The following PLAAT1 variants were observed in gnomAD, a reference collection of about 807,000 sequenced individuals.
PLAAT1 encodes the protein phospholipase A and acyltransferase 1.
In PLAAT1, 13 loss-of-function variants were observed where a neutral mutation model predicts 16.4. The ratio of observed to expected loss-of-function variants is 0.79; its 90% confidence interval spans 0.52 to 1.26. PLAAT1 has a LOEUF of 1.26. Among genes scored for constraint, PLAAT1 ranks in the 50% most tolerant of loss-of-function variants. The pLI is 0.00. For missense variants in PLAAT1, 218 were observed against 207.8 expected, an observed-to-expected ratio of 1.05 and a Z score of -0.30; for synonymous variants, 73 against 78.4, an observed-to-expected ratio of 0.93 and a Z score of 0.36.
downstream of PLAAT1, chr3:193,281,061 A>G (rs753254445): frequency 1.9e-5 from 6 of 310,288 alleles, no homozygotes; most frequent in African/African-American, 1.1e-4. Flanking sequence ...AGCACGTCTC[A>G]GAAGTGCTTG....
At chr3:193,244,219 A>G (rs1195640093) in intron 1 of PLAAT1, among the ~76,000 whole-genome samples, 4 of 152,150 alleles carry the variant, frequency 2.6e-5, no homozygotes, top group African/African-American at 9.7e-5. Flanking sequence ...TTGGGTGGCT[A>G]TAAATCTTCA....
At chr3:193,279,263 T>G (rs988576677), downstream of PLAAT1, 69 of 894,094 alleles carry the variant, frequency 7.7e-5, no homozygotes, top group Admixed American at 1.5e-3. Flanking sequence ...CTCACAGTAT[T>G]TGGTGGTCAA....
chr3:193,246,182 C>T (rs1715976159), intron 1 of PLAAT1, among the ~76,000 whole-genome samples: 2 of 152,102 alleles, frequency 1.3e-5, no homozygotes, highest in Non-Finnish European at 2.9e-5. Flanking sequence ...ATGATGGTGT[C>T]TGTGGGCTTG....
intron 3 of PLAAT1, among the ~76,000 whole-genome samples, chr3:193,264,513 T>TC (rs1224944803): frequency 6.6e-6 from 1 of 150,772 alleles, no homozygotes; most frequent in South Asian, 2.1e-4. Context: ...TTCTTCTTCT[T>TC]TTTTTTTTTA....
At chr3:193,277,249 C>G (rs1717261717) in intron 2 of PLAAT1, among the ~76,000 whole-genome samples, 1 of 152,128 alleles carries the variant, frequency 6.6e-6, no homozygotes. Context: ...TTAAGGAGGA[C>G]AGAGAAATGT....
At chr3:193,251,746 C>G (rs1462533836) in intron 1 of PLAAT1, among the ~76,000 whole-genome samples, 1 of 152,006 alleles carries the variant, frequency 6.6e-6, no homozygotes, top group Non-Finnish European at 1.5e-5. Context: ...CTTTTTCTAC[C>G]AATTTTGATG....
chr3:193,279,687 T>G (rs1337956756), downstream of PLAAT1, among the ~76,000 whole-genome samples: 1 of 152,166 alleles, frequency 6.6e-6, no homozygotes, highest in African/African-American at 2.4e-5. Flanking sequence ...TGTATTAAAG[T>G]AACCTCCATA....
intron 1 of PLAAT1, among the ~76,000 whole-genome samples, chr3:193,252,875 AG>A (rs1386041675): frequency 6.6e-6 from 1 of 152,116 alleles, no homozygotes; most frequent in Non-Finnish European, 1.5e-5. Context: ...TCTAAAAATG[AG>A]GAGATTGGAC....
At chr3:193,245,675 T>A (rs952432385) in intron 1 of PLAAT1, among the ~76,000 whole-genome samples, 5 of 152,196 alleles carry the variant, frequency 3.3e-5, no homozygotes, top group African/African-American at 1.2e-4. Context: ...AAGGGTTTCC[T>A]TTTCTCCACA....
chr3:193,247,566 T>G (rs1013466703), intron 1 of PLAAT1, among the ~76,000 whole-genome samples: 2 of 152,212 alleles, frequency 1.3e-5, no homozygotes, highest in African/African-American at 4.8e-5. Flanking sequence ...TAATTATTCC[T>G]GGTCATGAGA....
chr3:193,264,694 T>C (rs1404572514), intron 3 of PLAAT1, among the ~76,000 whole-genome samples: 1 of 151,994 alleles, frequency 6.6e-6, no homozygotes, highest in Non-Finnish European at 1.5e-5. Flanking sequence ...TAGTAGAGAC[T>C]ATGTTGGCTA....
chr3:193,271,735 A>G (rs1281825531), downstream of PLAAT1, among the ~76,000 whole-genome samples: 6 of 152,174 alleles, frequency 3.9e-5, no homozygotes, highest in Non-Finnish European at 5.9e-5. Flanking sequence ...GTTCAAGTTA[A>G]TATTAGGGGG....
chr3:193,263,907 T>C (rs1716683627), intron 3 of PLAAT1, among the ~76,000 whole-genome samples: 1 of 152,034 alleles, frequency 6.6e-6, no homozygotes, highest in Non-Finnish European at 1.5e-5. Context: ...TGTCCTGTTG[T>C]CCCACCAGTC....
chr3:193,260,167 A>G (rs897617571), intron 2 of PLAAT1, among the ~76,000 whole-genome samples: 1 of 152,200 alleles, frequency 6.6e-6, no homozygotes, highest in Non-Finnish European at 1.5e-5. Context: ...ATAAGAAAAA[A>G]AACTGGACCT....
intron 1 of PLAAT1, among the ~76,000 whole-genome samples, chr3:193,253,534 A>C (rs1168385560): frequency 1.3e-5 from 2 of 152,112 alleles, no homozygotes; most frequent in Non-Finnish European, 1.5e-5. Context: ...GTTACTTGCG[A>C]CAGCTTTTTA....
chr3:193,273,451 G>A (rs1176681138), downstream of PLAAT1, among the ~76,000 whole-genome samples: 1 of 152,162 alleles, frequency 6.6e-6, no homozygotes. Flanking sequence ...GGTGGTTTGT[G>A]TAACATTTAT....
At chr3:193,274,558 T>C (rs1226736189), downstream of PLAAT1, among the ~76,000 whole-genome samples, 3 of 152,224 alleles carry the variant, frequency 2.0e-5, no homozygotes, top group East Asian at 5.8e-4. Context: ...AAGTAAATGT[T>C]GGTCCTTGTT....
chr3:193,242,416 T>G (rs1715802205), intron 1 of PLAAT1, among the ~76,000 whole-genome samples: 1 of 151,908 alleles, frequency 6.6e-6, no homozygotes. Context: ...GGGGAGAAGG[T>G]GGCATCGACT....
intron 1 of PLAAT1, among the ~76,000 whole-genome samples, chr3:193,250,387 C>G (rs1716145758): frequency 6.6e-6 from 1 of 152,124 alleles, no homozygotes; most frequent in Non-Finnish European, 1.5e-5. Flanking sequence ...CCCACTCATT[C>G]TGCCCTATAC....
Sources: allele counts gnomAD v4.1 joint callset (sites outside exome capture counted in the v4.1 genomes callset), GRCh38; gene constraint gnomAD v4.1.1; transcripts MANE v1.5; gene names NCBI Gene and HGNC (gene_info 2026-07-23, HGNC 2026-07-21).